The following ADHFE1 variants were observed in gnomAD, a reference collection of about 807,000 sequenced individuals.
ADHFE1 encodes alcohol dehydrogenase iron containing 1, also known as hydroxyacid-oxoacid transhydrogenase, mitochondrial.
A neutral mutation model predicts 54.8 loss-of-function variants in ADHFE1; 37 were observed. The observed-to-expected ratio is 0.68, with a 90% CI of 0.52 to 0.89. The LOEUF (loss-of-function observed/expected upper bound fraction) is 0.89, where lower values mean the gene tolerates loss of function less well. Ranked by LOEUF, ADHFE1 falls within the 40% of genes least tolerant of loss-of-function variation. ADHFE1 has a pLI of 0.00. For synonymous variants in ADHFE1, 203 were observed against 229.3 expected, an observed-to-expected ratio of 0.89 and a Z score of 1.04; for missense variants, 601 against 591.2, an observed-to-expected ratio of 1.02 and a Z score of -0.17.
At chr8:66,465,107 G>A (rs1421446853) in intron 13 of ADHFE1, among the ~76,000 whole-genome samples, 2 of 152,154 alleles carry the variant, frequency 1.3e-5, no homozygotes, top group Non-Finnish European at 2.9e-5. Flanking sequence ...TTTTGGTTAT[G>A]CATTTACCTA....
Position 66,454,146 on chromosome 8 carries a change from T to G in ADHFE1, c.975T>G (p.Gly325=), listed in dbSNP as rs200742622. The part of the protein sequence containing the change: ...AFAGIGFGNA[G]VHLCHGMSYP... Reference sequence around the variant, plus strand: ...CTGGCATCGGCTTTGGAAATGCTGGTGTTCATCTGTGGTGAGCAAGTCTGA... The same window carrying G: ...CTGGCATCGGCTTTGGAAATGCTGGGGTTCATCTGTGGTGAGCAAGTCTGA... Residue 325 remains glycine (G), a synonymous_variant, in exon 10 of 14, where the codon GGT becomes GGG. Transcript: ENST00000396623. 22 of 1,614,044 alleles carry G rather than the reference T, an allele frequency of 1.4e-5. No homozygotes were observed. In the Middle Eastern group the frequency reaches 4.9e-4, roughly 36 times the overall value.
At chr8:66,451,888 A>G (rs556600376) in intron 8 of ADHFE1, 65 bp from the exon 9 acceptor site, 1 of 1,573,892 alleles carries the variant, frequency 6.4e-7, no homozygotes, top group South Asian at 1.2e-5. Flanking sequence ...ACAGGTTGTG[A>G]TCTAAATGGA....
intron 9 of ADHFE1, 81 bp from the exon 10 acceptor site, chr8:66,453,978 A>G (rs1480266656): frequency 1.7e-5 from 27 of 1,557,230 alleles, no homozygotes; most frequent in Non-Finnish European, 2.2e-5. Context: ...TTTTCACCAT[A>G]TCTTTCCCTA....
rs78992837 is a variant in ADHFE1 at position 66,453,922 on chromosome 8, G to C, written c.888-137G>C. 452 of 1,514,322 alleles carry C rather than the reference G, an allele frequency of 3.0e-4. 7 individuals carry two copies. The East Asian group carries it at 9.3e-3, about 31-fold the overall frequency. 93.8% of individuals were successfully genotyped at this position (1,514,322 alleles called of 1,614,324 possible). A position where few individuals can be genotyped will look rare whatever the true frequency, so the allele number is the denominator to read the frequency against. ...TCATTTAGAAGACAAGGCGTCGTTT[G>C]AATAACTTGCCTGATTTTTCTTCCT... On this transcript the variant is annotated intron_variant, in intron 9 of 13. Transcript: ENST00000396623.
chr8:66,460,235 G>A, intron 12 of ADHFE1, 73 bp from the exon 13 acceptor site: 3 of 1,577,184 alleles, frequency 1.9e-6, no homozygotes, highest in Non-Finnish European at 2.6e-6. Context: ...TGTATTCACT[G>A]ATCTTGTGAC....
intron 1 of ADHFE1, among the ~76,000 whole-genome samples, chr8:66,436,209 G>A (rs1805460416): frequency 6.6e-6 from 1 of 152,098 alleles, no homozygotes. Context: ...GAACCACTGT[G>A]CCCAGCCAGG....
chr8:66,448,653 T>C (rs1806151417), intron 7 of ADHFE1, among the ~76,000 whole-genome samples: 2 of 152,202 alleles, frequency 1.3e-5, no homozygotes, highest in Non-Finnish European at 2.9e-5. Context: ...ACATGGCCCT[T>C]GGAAACCAGT....
chr8:66,459,007 C>T (rs908360978), intron 12 of ADHFE1, among the ~76,000 whole-genome samples: 11 of 152,212 alleles, frequency 7.2e-5, no homozygotes, highest in African/African-American at 2.7e-4. Flanking sequence ...GCTGCTCTCC[C>T]AGCCAGCCCC....
chr8:66,453,868 T>A (rs1397993565), intron 9 of ADHFE1, 191 bp from the exon 10 acceptor site: 9 of 1,508,488 alleles, frequency 6.0e-6, no homozygotes, highest in Admixed American at 2.1e-5. Context: ...GCTGAAACAG[T>A]TGATGAGAAA....
Position 66,444,632 on chromosome 8 carries a change from G to A in ADHFE1, c.237G>A (p.Met79Ile). 8 of 1,614,208 alleles carry A rather than the reference G, an allele frequency of 5.0e-6. No homozygotes were observed. The highest frequency in any genetic ancestry group is 6.8e-6 in the Non-Finnish European group (8 of 1,180,040). The change falls in exon 5 of 14, where the codon ATG (methionine) becomes ATA (isoleucine). Residue 79 changes from methionine (M) to isoleucine (I), a missense_variant. Coordinates refer to ENST00000396623, the MANE Select transcript of ADHFE1 (RefSeq NM_144650.3). ...TGGGTGCTAAAAATGTGTGCTTGAT[G>A]ACAGACAAGAACCTCTCCAAGCTCC... ...KNMGAKNVCL[M>I]TDKNLSKLPP...
In ADHFE1 at chr8:66,443,264, A is replaced by ATTTTTTTTTTTTTT. The variant is rs540464621; in HGVS notation, c.144+439_144+452dup. On this transcript the variant is annotated intron_variant, in intron 3 of 13. Transcript: ENST00000396623. ...GTCCCTGTCTCCTCCTAGTCCAGGAATTTTTTTTTTTTTTTTTTTTTTTTT... is the reference window on the plus strand; with the variant it reads ...GTCCCTGTCTCCTCCTAGTCCAGGAATTTTTTTTTTTTTTTTTTTTTTTTTTTTTTTTTTTTTTT... 1.2e-3 allele frequency among the ~76,000 whole-genome samples: 100 copies of ATTTTTTTTTTTTTT among 86,086 alleles called. 13 individuals carry two copies. Among genetic ancestry groups the ATTTTTTTTTTTTTT allele is most frequent in the Non-Finnish European group, 1.4e-3 (56 of 40,906 alleles). The allele number at this position is 86,086 out of a possible 152,430, so 56.5% of individuals were successfully genotyped here.
chr8:66,448,577 G>C (rs997242846), intron 7 of ADHFE1, among the ~76,000 whole-genome samples: 2 of 152,158 alleles, frequency 1.3e-5, no homozygotes, highest in Non-Finnish European at 2.9e-5. Flanking sequence ...GCCCATTTCT[G>C]TGGTGTAAAT....
chr8:66,453,300 G>A (rs2130434425), intron 9 of ADHFE1, among the ~76,000 whole-genome samples: 1 of 152,296 alleles, frequency 6.6e-6, no homozygotes, highest in African/African-American at 2.4e-5. Context: ...CACATGAAAG[G>A]AACATTTCAA....
chr8:66,443,087 C>T (rs2130376163), intron 3 of ADHFE1, among the ~76,000 whole-genome samples: 1 of 152,094 alleles, frequency 6.6e-6, no homozygotes, highest in South Asian at 2.1e-4. Context: ...GATAAATTCC[C>T]AATTCTACAA....
intron 10 of ADHFE1, 82 bp downstream of exon 10, chr8:66,454,239 T>G: frequency 7.3e-7 from 1 of 1,362,460 alleles, no homozygotes; most frequent in Non-Finnish European, 1.0e-6. Flanking sequence ...GGACAGGTGG[T>G]AAAATTTAAA....
chr8:66,450,883 C>G (rs150669566), intron 8 of ADHFE1, among the ~76,000 whole-genome samples: 1 of 152,346 alleles, frequency 6.6e-6, no homozygotes, highest in East Asian at 1.9e-4. Context: ...ATTTCCAAAA[C>G]AATTTTCTAA....
chr8:66,449,960 A>G (rs1411500145), intron 8 of ADHFE1, among the ~76,000 whole-genome samples: 1 of 152,212 alleles, frequency 6.6e-6, no homozygotes. Context: ...CTCCACAAAA[A>G]AAAGTTTTAC....
At chr8:66,451,360 C>T (rs1806290732) in intron 8 of ADHFE1, among the ~76,000 whole-genome samples, 1 of 152,198 alleles carries the variant, frequency 6.6e-6, no homozygotes, top group Admixed American at 6.5e-5. Context: ...GTCAACTCAT[C>T]GAATTTTCAC....
chr8:66,442,684 AT>A, intron 2 of ADHFE1, 113 bp from the exon 3 acceptor site: 1 of 911,654 alleles, frequency 1.1e-6, no homozygotes, highest in Non-Finnish European at 1.7e-6. Context: ...GAAAAAATAT[AT>A]TTTTGGTAAG....
Sources: allele counts gnomAD v4.1 joint callset (sites outside exome capture counted in the v4.1 genomes callset), GRCh38; gene constraint gnomAD v4.1.1; transcripts MANE v1.5; gene names NCBI Gene and HGNC (gene_info 2026-07-23, HGNC 2026-07-21).